The following ILKAP variants were observed in gnomAD, a reference collection of about 807,000 sequenced individuals.
ILKAP encodes integrin-linked kinase-associated serine/threonine phosphatase 2C.
In ILKAP, 11 loss-of-function variants were observed where a neutral mutation model predicts 49.1. The ratio of observed to expected loss-of-function variants is 0.22; its 90% confidence interval spans 0.14 to 0.37. ILKAP has a LOEUF of 0.37. ILKAP is among the 10% of genes least tolerant of loss of function. ILKAP has a pLI of 1.00. For synonymous variants in ILKAP, 186 were observed against 192.8 expected (o/e 0.96, Z 0.29); for missense variants, 363 against 510.8 (o/e 0.71, Z 2.79).
chr2:238,180,944 T>C (rs1693664362), intron 9 of ILKAP, among the ~76,000 whole-genome samples: 1 of 152,212 alleles, frequency 6.6e-6, no homozygotes, highest in Admixed American at 6.5e-5. Flanking sequence ...CTGTCCACAG[T>C]AGTTACCAGG....
intron 3 of ILKAP, among the ~76,000 whole-genome samples, chr2:238,191,918 A>AT (rs1290139484): frequency 6.6e-6 from 1 of 151,346 alleles, no homozygotes; most frequent in Non-Finnish European, 1.5e-5. Context: ...AAAAAAAAAA[A>AT]GAAAAAGAAA....
At chr2:238,181,968 C>T in intron 9 of ILKAP, 97 bp downstream of exon 9, 1 of 1,319,546 alleles carries the variant, frequency 7.6e-7, no homozygotes, top group Non-Finnish European at 1.1e-6. Flanking sequence ...ACACTGAAGA[C>T]TACGTAACAG....
chr2:238,187,902 C>T (rs1693970600), intron 5 of ILKAP, among the ~76,000 whole-genome samples: 1 of 152,130 alleles, frequency 6.6e-6, no homozygotes, highest in African/African-American at 2.4e-5. Flanking sequence ...TAGTCTCTAC[C>T]CACCAGATGC....
At position 238,194,303 on chromosome 2, in the gene ILKAP, A is replaced by G; in HGVS notation, c.150T>C (p.Asp50=). 6.2e-7 allele frequency: 1 copy of G among 1,614,016 alleles called. No homozygotes were observed. Among genetic ancestry groups the G allele is most frequent in the Non-Finnish European group, 8.5e-7 (1 of 1,179,980 alleles). ...SGSGGPLLFD[D]LPPASSGDSG... is the part of the protein sequence containing the mutation. The stretch of plus-strand genomic sequence containing the variant: ...AATCGCCACTGCTAGCGGGTGGGAG[A>G]TCATCAAAAAGCAAAGGTCCCCCTG... Residue 50 remains aspartate, a synonymous_variant, in exon 3 of 12, where the codon GAT becomes GAC. Coordinates refer to ENST00000254654, the MANE Select transcript of ILKAP (RefSeq NM_030768.3).
Position 238,188,121 on chromosome 2 carries a change from T to A in ILKAP, c.425+10A>T, listed in dbSNP as rs1273133925. The A allele has an allele frequency of 1.9e-6, 3 of 1,613,018 alleles. No individual in the cohort carries two copies. The highest frequency in any genetic ancestry group is 8.5e-7 in the Non-Finnish European group (1 of 1,179,362). ...AATGCCAGCCGGGCTTCCTACCACATGAGACTCACATGAGGGACGATGGGG... is the reference window on the plus strand; with the variant it reads ...AATGCCAGCCGGGCTTCCTACCACAAGAGACTCACATGAGGGACGATGGGG... On this transcript the variant is annotated intron_variant, in intron 5 of 11. Coordinates refer to ENST00000254654, the MANE Select transcript of ILKAP (RefSeq NM_030768.3).
intron 1 of ILKAP, among the ~76,000 whole-genome samples, chr2:238,197,628 C>T (rs1694399257): frequency 6.6e-6 from 1 of 152,188 alleles, no homozygotes; most frequent in Admixed American, 6.5e-5. Context: ...AGTATTAATA[C>T]TAGCCTGGCC....
rs562784142 is a variant in ILKAP at position 238,194,946 on chromosome 2, G to T, written c.56-76C>A. ...GATTTTCAAAGAGGAAGATCATGTG[G>T]TCTCCCCTGCTTTGACACAAGTTTG... On this transcript the variant is annotated intron_variant, in intron 1 of 11. Transcript: ENST00000254654. 749 of 1,206,036 alleles carry T rather than the reference G, an allele frequency of 6.2e-4. 2 individuals carry two copies. Among genetic ancestry groups the T allele is most frequent in the South Asian group, 1.9e-3 (155 of 82,232 alleles). The allele number at this position is 1,206,036 out of a possible 1,614,324, so 74.7% of individuals were successfully genotyped here.
At chr2:238,194,474 T>C (rs1290410380) in intron 2 of ILKAP, 143 bp from the exon 3 acceptor site, 1 of 682,222 alleles carries the variant, frequency 1.5e-6, no homozygotes, top group African/African-American at 1.8e-5. Context: ...CATACTGCAA[T>C]GAATAATATC....
intron 6 of ILKAP, 45 bp downstream of exon 6, chr2:238,185,136 G>A (rs1465233924): frequency 3.2e-6 from 4 of 1,230,922 alleles, no homozygotes; most frequent in Non-Finnish European, 4.8e-6. Flanking sequence ...CAACCAAACA[G>A]CAATAACCAA....
intron 9 of ILKAP, among the ~76,000 whole-genome samples, chr2:238,176,965 C>T (rs1323759409): frequency 6.6e-6 from 1 of 152,216 alleles, no homozygotes; most frequent in African/African-American, 2.4e-5. Context: ...AGAACAGTTA[C>T]TTTTGGTTAT....
chr2:238,200,396 C>A (rs1471400670), intron 1 of ILKAP, among the ~76,000 whole-genome samples: 1 of 152,052 alleles, frequency 6.6e-6, no homozygotes, highest in Non-Finnish European at 1.5e-5. Context: ...ACGTTTAAAA[C>A]AAAAATAAAA....
chr2:238,189,414 T>A (rs1022182959), intron 4 of ILKAP, among the ~76,000 whole-genome samples: 1 of 152,216 alleles, frequency 6.6e-6, no homozygotes, highest in African/African-American at 2.4e-5. Flanking sequence ...CTCACTAACT[T>A]TGACAAGTTA....
At chr2:238,190,877 TAAAAAAAA>T (rs57511265) in intron 3 of ILKAP, among the ~76,000 whole-genome samples, 29 of 95,136 alleles carry the variant, frequency 3.0e-4, no homozygotes, top group African/African-American at 7.8e-4. Context: ...CGTTTCTCTT[TAAAAAAAA>T]AAAAAAAAAA....
intron 8 of ILKAP, 53 bp from the exon 9 acceptor site, chr2:238,182,239 AAG>A: frequency 6.2e-7 from 1 of 1,602,358 alleles, no homozygotes. Flanking sequence ...GCAGCATCTA[AAG>A]GTACCAGTTG....
chr2:238,183,998 TTCA>T lies in ILKAP; in HGVS notation c.626+19_626+21del, dbSNP rs757379386. The T allele has an allele frequency of 4.8e-6, 7 of 1,449,670 alleles. No individual in the cohort carries two copies. Among genetic ancestry groups the T allele is most frequent in the East Asian group, 2.3e-5 (1 of 44,154 alleles). The allele number at this position is 1,449,670 out of a possible 1,614,324, so 89.8% of individuals were successfully genotyped here. On this transcript the variant is annotated intron_variant, in intron 7 of 11. Coordinates refer to ENST00000254654, the MANE Select transcript of ILKAP (RefSeq NM_030768.3). ...AACACCACACACAGTCCACTCAAACTTCATCATCAAGTTATACTTACTGGCTGG... is the reference window on the plus strand; with the variant it reads ...AACACCACACACAGTCCACTCAAACTTCATCAAGTTATACTTACTGGCTGG...
intron 1 of ILKAP, among the ~76,000 whole-genome samples, chr2:238,199,604 A>G (rs1694486393): frequency 6.6e-6 from 1 of 151,606 alleles, no homozygotes; most frequent in Admixed American, 6.6e-5. Flanking sequence ...AGTAATGTAT[A>G]TTGCAATTAT....
intron 3 of ILKAP, among the ~76,000 whole-genome samples, chr2:238,192,376 A>G (rs1694167784): frequency 6.6e-6 from 1 of 152,114 alleles, no homozygotes; most frequent in Non-Finnish European, 1.5e-5. Context: ...TACATAATCA[A>G]CTTTTGTAAA....
At chr2:238,199,732 A>G (rs1231058331) in intron 1 of ILKAP, among the ~76,000 whole-genome samples, 1 of 151,396 alleles carries the variant, frequency 6.6e-6, no homozygotes, top group Non-Finnish European at 1.5e-5. Context: ...TAGTTTTACA[A>G]TCTGTTTTCC....
chr2:238,182,823 G>A (rs539084679), intron 8 of ILKAP, among the ~76,000 whole-genome samples: 18 of 152,286 alleles, frequency 1.2e-4, no homozygotes, highest in African/African-American at 4.1e-4. Context: ...GTGGGCTAAG[G>A]CCAGTCTACT....
Sources: allele counts gnomAD v4.1 joint callset (sites outside exome capture counted in the v4.1 genomes callset), GRCh38; gene constraint gnomAD v4.1.1; transcripts MANE v1.5; gene names NCBI Gene and HGNC (gene_info 2026-07-23, HGNC 2026-07-21).